Variants in ZNF280D observed in about 807,000 individuals in gnomAD.
ZNF280D encodes the protein suppressor of hairy wing homolog 4.
A neutral mutation model predicts 94.7 loss-of-function variants in ZNF280D; 39 were observed. That is an observed-to-expected ratio of 0.41 (90% CI 0.32 to 0.54). The LOEUF (loss-of-function observed/expected upper bound fraction) is 0.54, where lower values mean the gene tolerates loss of function less well. Among genes scored for constraint, ZNF280D ranks in the 20% least tolerant of loss-of-function variants. The pLI is 0.22. For synonymous variants in ZNF280D, 398 were observed against 377.6 expected (o/e 1.05, Z -0.63); for missense variants, 1,090 against 1,149.3 (o/e 0.95, Z 0.75).
intron 16 of ZNF280D, among the ~76,000 whole-genome samples, chr15:56,663,348 A>AT (rs2054082454): frequency 6.6e-6 from 1 of 151,830 alleles, no homozygotes; most frequent in African/African-American, 2.4e-5. Flanking sequence ...TCTGTGGAAG[A>AT]TTAACCAACT....
At chr15:56,644,148 A>G (rs1474120241) in intron 19 of ZNF280D, among the ~76,000 whole-genome samples, 2 of 152,084 alleles carry the variant, frequency 1.3e-5, no homozygotes, top group African/African-American at 2.4e-5. Flanking sequence ...TAAAACCACT[A>G]TATTGGCAGT....
chr15:56,693,965 G>A (rs141173852), intron 6 of ZNF280D, among the ~76,000 whole-genome samples: 4 of 152,244 alleles, frequency 2.6e-5, no homozygotes, highest in African/African-American at 9.6e-5. Flanking sequence ...GGTCAGTAGA[G>A]TGAACAAATA....
intron 7 of ZNF280D, among the ~76,000 whole-genome samples, chr15:56,689,842 T>C (rs371294445): frequency 3.4e-4 from 51 of 152,212 alleles, no homozygotes; most frequent in South Asian, 8.3e-4. Context: ...CTTAAGTGCA[T>C]TGAGTACACT....
At chr15:56,701,659 A>G (rs1287247330) in intron 4 of ZNF280D, among the ~76,000 whole-genome samples, 1 of 152,244 alleles carries the variant, frequency 6.6e-6, no homozygotes, top group East Asian at 1.9e-4. Flanking sequence ...TCAGGTTCCT[A>G]TGATTCAAAA....
intron 21 of ZNF280D, among the ~76,000 whole-genome samples, chr15:56,633,710 T>C (rs1207563802): frequency 6.6e-6 from 1 of 151,882 alleles, no homozygotes; most frequent in East Asian, 1.9e-4. Context: ...AGGCTGGTCT[T>C]GAACTCCTGA....
intron 6 of ZNF280D, 30 bp from the exon 7 acceptor site, chr15:56,693,245 C>T: frequency 1.1e-6 from 1 of 915,198 alleles, no homozygotes. Flanking sequence ...AAAAATAATA[C>T]ATTTATTCAA....
intron 13 of ZNF280D, among the ~76,000 whole-genome samples, chr15:56,669,985 T>TATATATATATATATTATATATATA (rs1334474671): frequency 1.2e-3 from 1 of 864 alleles, no homozygotes; most frequent in African/African-American, 3.7e-3. Flanking sequence ...ATATATATAT[T>TATATATATATATATTATATATATA]ATATATATAT....
chr15:56,701,731 C>T (rs899725578), intron 4 of ZNF280D, among the ~76,000 whole-genome samples: 1 of 152,064 alleles, frequency 6.6e-6, no homozygotes, highest in Non-Finnish European at 1.5e-5. Context: ...AGTTGCATTA[C>T]AGAAAATCTC....
At chr15:56,727,831 T>G (rs1461383665) in intron 1 of ZNF280D, among the ~76,000 whole-genome samples, 1 of 152,188 alleles carries the variant, frequency 6.6e-6, no homozygotes, top group Non-Finnish European at 1.5e-5. Context: ...GATGAGTTAC[T>G]TTAGATAAAT....
intron 19 of ZNF280D, among the ~76,000 whole-genome samples, chr15:56,649,480 G>C (rs1030087533): frequency 2.6e-5 from 4 of 152,080 alleles, no homozygotes; most frequent in South Asian, 4.1e-4. Context: ...CTATTTTACA[G>C]TTCCTAAAGA....
chr15:56,696,556 A>C (rs2056759975), intron 6 of ZNF280D, among the ~76,000 whole-genome samples: 1 of 152,202 alleles, frequency 6.6e-6, no homozygotes. Context: ...TCTGGGTCAT[A>C]ATAATATATC....
chr15:56,699,929 T>C (rs1322808495), intron 6 of ZNF280D: 2 of 153,110 alleles, frequency 1.3e-5, no homozygotes, highest in Non-Finnish European at 2.9e-5. Context: ...AGGTGACTAA[T>C]ACAGAAACTA....
chr15:56,723,955 T>G (rs2058506839), intron 1 of ZNF280D, among the ~76,000 whole-genome samples: 1 of 152,202 alleles, frequency 6.6e-6, no homozygotes, highest in Non-Finnish European at 1.5e-5. Flanking sequence ...AGCCTGTGGT[T>G]GGGCAAAATC....
At chr15:56,689,001 G>C (rs1475660937) in intron 9 of ZNF280D, 40 bp downstream of exon 9, 1 of 1,382,676 alleles carries the variant, frequency 7.2e-7, no homozygotes, top group African/African-American at 1.4e-5. Context: ...TTTTAGAAAT[G>C]TGCAAACTTT....
At position 56,662,032 on chromosome 15, in the gene ZNF280D, T is replaced by G. The variant is rs528996749; in HGVS notation, c.1995-3546A>C. On this transcript the variant is annotated intron_variant, in intron 16 of 21. Coordinates refer to ENST00000267807, the MANE Select transcript of ZNF280D (RefSeq NM_017661.4). Reference sequence around the variant, plus strand: ...TTCTTAGCAAATTGTATTAAATACCTTCCTAGTAGGTACATAATAAAATAC... The same window carrying G: ...TTCTTAGCAAATTGTATTAAATACCGTCCTAGTAGGTACATAATAAAATAC... Among the ~76,000 whole-genome samples, 7 of 152,276 alleles carry G rather than the reference T, an allele frequency of 4.6e-5. No homozygotes were observed. In the South Asian group the frequency reaches 1.5e-3, roughly 32 times the overall value.
intron 20 of ZNF280D, among the ~76,000 whole-genome samples, chr15:56,642,022 C>T (rs1361450120): frequency 6.6e-6 from 1 of 151,544 alleles, no homozygotes; most frequent in Non-Finnish European, 1.5e-5. Context: ...GGGGATATCA[C>T]TGCAGATTCC....
At chr15:56,722,823 C>A in intron 1 of ZNF280D, among the ~76,000 whole-genome samples, 1 of 151,814 alleles carries the variant, frequency 6.6e-6, no homozygotes, top group Non-Finnish European at 1.5e-5. Flanking sequence ...GACTTGGAAC[C>A]AACCCAAATG....
chr15:56,631,090 C>T lies in ZNF280D; in HGVS notation c.*408G>A, dbSNP rs561728339. On this transcript the variant is annotated 3_prime_UTR_variant, in exon 22 of 22. Coordinates refer to ENST00000267807, the MANE Select transcript of ZNF280D (RefSeq NM_017661.4). Reference sequence around the variant, plus strand: ...CCCCAAAAGTACATGGTTTCCAAATCCCTTCCTCTCAGTTAACTGAAAAGG... The same window carrying T: ...CCCCAAAAGTACATGGTTTCCAAATTCCTTCCTCTCAGTTAACTGAAAAGG... 1 of 162,070 alleles carries T rather than the reference C, an allele frequency of 6.2e-6. No individual in the cohort carries two copies. The highest frequency in any genetic ancestry group is 1.7e-4 in the South Asian group (1 of 5,828). The allele number at this position is 162,070 out of a possible 1,614,324, so 10.0% of individuals were successfully genotyped here. A position where few individuals can be genotyped will look rare whatever the true frequency, so the allele number is the denominator to read the frequency against.
intron 13 of ZNF280D, 116 bp from the exon 14 acceptor site, chr15:56,669,073 T>A: frequency 1.1e-6 from 1 of 918,432 alleles, no homozygotes. Flanking sequence ...AACTTGCGGT[T>A]TAACATCTCC....
Sources: gnomAD v4.1 joint callset for allele counts (sites outside exome capture counted in the v4.1 genomes callset) on GRCh38, gnomAD v4.1.1 for gene constraint, MANE v1.5 for transcripts, NCBI Gene and HGNC (gene_info 2026-07-23, HGNC 2026-07-21) for gene names.